Variants in PRKG1 observed in about 807,000 individuals in gnomAD.
PRKG1 encodes protein kinase cGMP-dependent 1.
A neutral mutation model predicts 88.1 loss-of-function variants in PRKG1; 35 were observed. The observed-to-expected ratio is 0.40, with a 90% CI of 0.30 to 0.53. PRKG1 has a LOEUF of 0.53. Ranked by LOEUF, PRKG1 falls within the 20% of genes least tolerant of loss-of-function variation. PRKG1 has a pLI of 0.59. For missense variants in PRKG1, 540 were observed against 839.8 expected, an observed-to-expected ratio of 0.64 and a Z score of 4.41; for synonymous variants, 303 against 292.5, an observed-to-expected ratio of 1.04 and a Z score of -0.37.
intron 5 of PRKG1, among the ~76,000 whole-genome samples, chr10:52,019,020 G>T (rs547459002): frequency 6.6e-6 from 1 of 152,280 alleles, no homozygotes; most frequent in Non-Finnish European, 1.5e-5. Flanking sequence ...GAGAATGCAA[G>T]ATTGGATATT....
intron 4 of PRKG1, among the ~76,000 whole-genome samples, chr10:51,893,281 A>G (rs993277204): frequency 2.0e-5 from 3 of 152,058 alleles, no homozygotes; most frequent in African/African-American, 7.2e-5. Flanking sequence ...ATTCGTCTCA[A>G]GTAAATAGCC....
intron 3 of PRKG1, among the ~76,000 whole-genome samples, chr10:51,714,746 G>T (rs1338317237): frequency 6.6e-6 from 1 of 152,136 alleles, no homozygotes; most frequent in Non-Finnish European, 1.5e-5. Flanking sequence ...AGTTTTGAAA[G>T]GTTGGAAGGT....
intron 5 of PRKG1, among the ~76,000 whole-genome samples, chr10:52,028,081 G>A (rs1198201889): frequency 2.0e-5 from 3 of 152,034 alleles, no homozygotes; most frequent in Non-Finnish European, 4.4e-5. Context: ...GAGCCACTGC[G>A]CCCAGCCCGT....
chr10:51,044,890 T>C (rs1268198056), intron 1 of PRKG1, among the ~76,000 whole-genome samples: 1 of 152,208 alleles, frequency 6.6e-6, no homozygotes, highest in African/African-American at 2.4e-5. Flanking sequence ...GATGCCTTTT[T>C]CTTTTAAAAG....
intron 4 of PRKG1, among the ~76,000 whole-genome samples, chr10:51,887,096 A>G (rs1841589702): frequency 6.6e-6 from 1 of 151,996 alleles, no homozygotes; most frequent in Non-Finnish European, 1.5e-5. Flanking sequence ...CGTGATTCTC[A>G]TGCCTCATCC....
At chr10:51,451,511 T>A (rs1839437726) in intron 2 of PRKG1, among the ~76,000 whole-genome samples, 1 of 151,978 alleles carries the variant, frequency 6.6e-6, no homozygotes, top group South Asian at 2.1e-4. Flanking sequence ...CAGATTAATT[T>A]AGAGAAGATC....
intron 14 of PRKG1, among the ~76,000 whole-genome samples, chr10:52,286,658 A>G (rs1842122970): frequency 1.3e-5 from 2 of 152,008 alleles, no homozygotes; most frequent in South Asian, 4.1e-4. Flanking sequence ...CTCATCATTA[A>G]TAATTAGTAA....
intron 3 of PRKG1, chr10:51,568,493 A>C (rs1422425005): frequency 6.6e-6 from 1 of 151,100 alleles, no homozygotes. Context: ...TCCTGCCTTG[A>C]CCTCTCAAAG....
intron 5 of PRKG1, among the ~76,000 whole-genome samples, chr10:51,939,604 T>C (rs865878356): frequency 2.0e-5 from 3 of 151,270 alleles, no homozygotes; most frequent in Non-Finnish European, 2.9e-5. Context: ...TTTTTTTTTT[T>C]TAATTTTGAG....
intron 9 of PRKG1, among the ~76,000 whole-genome samples, chr10:52,227,614 G>A (rs1397071038): frequency 6.6e-6 from 1 of 152,118 alleles, no homozygotes; most frequent in Non-Finnish European, 1.5e-5. Flanking sequence ...ATCCACAGGA[G>A]ATCCTGGAAC....
intron 2 of PRKG1, among the ~76,000 whole-genome samples, chr10:51,356,513 A>ATGC (rs1405099496): frequency 1.8e-4 from 28 of 152,110 alleles, no homozygotes; most frequent in Admixed American, 5.2e-4. Flanking sequence ...AGACTAAAAG[A>ATGC]TGCTGCACTT....
rs1339985952 is a variant in PRKG1, at chr10:51,698,022, C to G, written c.593-106563C>G. ...ATGCCTGTTCCTTGTATGCCTGTACCCTGCATACCAGCTCCAGGATTCCCC... is the reference window on the plus strand; with the variant it reads ...ATGCCTGTTCCTTGTATGCCTGTACGCTGCATACCAGCTCCAGGATTCCCC... On this transcript the variant is annotated intron_variant, in intron 3 of 17. Coordinates refer to ENST00000373980, the MANE Select transcript of PRKG1 (RefSeq NM_006258.4). 1.2e-6 allele frequency: 2 copies of G among 1,613,790 alleles called. No homozygotes were observed.
chr10:51,017,987 A>C (rs1215587161), intron 1 of PRKG1, among the ~76,000 whole-genome samples: 1 of 151,406 alleles, frequency 6.6e-6, no homozygotes, highest in South Asian at 2.1e-4. Flanking sequence ...GCTAATTATT[A>C]TTATTATTAT....
At chr10:51,511,962 T>G (rs2132061494) in intron 3 of PRKG1, among the ~76,000 whole-genome samples, 1 of 152,242 alleles carries the variant, frequency 6.6e-6, no homozygotes, top group East Asian at 1.9e-4. Context: ...ATAAGCAAAT[T>G]GCTATGCATG....
intron 3 of PRKG1, among the ~76,000 whole-genome samples, chr10:51,794,762 A>T (rs1282062094): frequency 6.6e-6 from 1 of 152,020 alleles, no homozygotes; most frequent in Non-Finnish European, 1.5e-5. Flanking sequence ...TTATCTGCCA[A>T]TTTAAAAAAT....
At chr10:51,725,737 G>A (rs772055495) in intron 3 of PRKG1, among the ~76,000 whole-genome samples, 60 of 151,814 alleles carry the variant, frequency 4.0e-4, no homozygotes, top group African/African-American at 1.1e-3. Flanking sequence ...GGGCTCAAGC[G>A]ATCCTCCTGC....
In PRKG1 at chr10:52,293,903, T is replaced by C. The variant is rs1345400474; in HGVS notation, c.*3T>C. 1 of 1,603,444 alleles carries C rather than the reference T, an allele frequency of 6.2e-7. No individual in the cohort carries two copies. The highest frequency in any genetic ancestry group is 1.7e-4 in the Middle Eastern group (1 of 6,030). On this transcript the variant is annotated 3_prime_UTR_variant, in exon 18 of 18. Coordinates refer to ENST00000373980, the MANE Select transcript of PRKG1 (RefSeq NM_006258.4). ...CAGGATGGGATATAGACTTCTAATG[T>C]ATTTCTCTTACCTGCTTCTGCCTTG...
chr10:51,502,186 G>A (rs948076394), intron 3 of PRKG1, among the ~76,000 whole-genome samples: 3 of 152,046 alleles, frequency 2.0e-5, no homozygotes, highest in Non-Finnish European at 4.4e-5. Flanking sequence ...GAATAGAAGT[G>A]GGCAGCCATA....
At position 51,100,843 on chromosome 10, in the gene PRKG1, A is replaced by G. The variant is rs78064040; in HGVS notation, c.311+25942A>G. The stretch of plus-strand genomic sequence containing the variant: ...GAATCTTGCAAGCAAGAAGAACTAT[A>G]CTCTGGGGAGATTAGCCCAATGCTG... On this transcript the variant is annotated intron_variant, in intron 1 of 17. Transcript: ENST00000373980. Among the ~76,000 whole-genome samples the G allele has an allele frequency of 1.2e-4, 18 of 152,246 alleles. No homozygotes were observed. In the East Asian group the frequency reaches 3.5e-3, roughly 30 times the overall value.
Sources: allele counts gnomAD v4.1 joint callset (sites outside exome capture counted in the v4.1 genomes callset), GRCh38; gene constraint gnomAD v4.1.1; transcripts MANE v1.5; gene names NCBI Gene and HGNC (gene_info 2026-07-23, HGNC 2026-07-21).